Variants in S100Z observed in about 807,000 individuals in gnomAD.
The protein encoded by S100Z is S100 calcium binding protein Z, also known as protein S100-Z.
S100Z carries 11 observed loss-of-function variants against 8.5 expected under a neutral mutation model. The ratio of observed to expected loss-of-function variants is 1.30; its 90% CI spans 0.82 to 2.15. S100Z has a LOEUF of 2.15. Ranked by LOEUF, S100Z falls within the 30% of genes most tolerant of loss-of-function variation. The pLI, the probability that S100Z is intolerant of heterozygous loss-of-function variation, is 0.00. For synonymous variants in S100Z, 34 were observed against 43.8 expected (o/e 0.78, Z 0.89); for missense variants, 126 against 117.9 (o/e 1.07, Z -0.32).
chr5:76,859,768 C>CAAAAAAAAAAAAAAAAAAAAAAAAA lies in S100Z; in HGVS notation c.-176+9630_-176+9631insAAAAAAAAAAAAAAAAAAAAAAAAA, dbSNP rs70982653. On this transcript the variant is annotated intron_variant, in intron 1 of 4. Coordinates refer to ENST00000317593, the MANE Select transcript of S100Z (RefSeq NM_130772.4). ...TGCACTACAGCCAGGGCAACAGAGC[C>CAAAAAAAAAAAAAAAAAAAAAAAAA]AAAAAAAAAAAAAAAAAGAAATAAG... is the stretch of plus-strand genomic sequence containing the variant. 3.3e-4 allele frequency among the ~76,000 whole-genome samples: 32 copies of CAAAAAAAAAAAAAAAAAAAAAAAAA among 97,644 alleles called. 1 individual carries two copies. The highest frequency in any genetic ancestry group is 5.4e-4 in the South Asian group (1 of 1,852). The allele number at this position is 97,644 out of a possible 152,430, so 64.1% of individuals were successfully genotyped here.
At chr5:76,867,527 C>A (rs1742805791) in intron 1 of S100Z, among the ~76,000 whole-genome samples, 1 of 151,962 alleles carries the variant, frequency 6.6e-6, no homozygotes, top group Admixed American at 6.6e-5. Flanking sequence ...ATCTTTTCTC[C>A]TTTTGCTCCC....
chr5:76,929,598 C>T, the S100Z span, among the ~76,000 whole-genome samples: 1 of 152,140 alleles, frequency 6.6e-6, no homozygotes, highest in South Asian at 2.1e-4. Context: ...TGGGTCTGTA[C>T]ACCAAGAGGT....
At chr5:76,891,016 C>T (rs180999017) in intron 4 of S100Z, among the ~76,000 whole-genome samples, 45 of 152,238 alleles carry the variant, frequency 3.0e-4, no homozygotes, top group Middle Eastern at 3.4e-3. Context: ...CATGCACCAC[C>T]ACGCCTGGCT....
chr5:76,872,343 A>G (rs1348234442), intron 2 of S100Z, among the ~76,000 whole-genome samples: 1 of 152,092 alleles, frequency 6.6e-6, no homozygotes, highest in Non-Finnish European at 1.5e-5. Flanking sequence ...GGTCACTCAT[A>G]TCGGCTCAAA....
Position 76,855,925 on chromosome 5 carries a change from G to A in S100Z, c.-176+5770G>A, listed in dbSNP as rs146274791. On this transcript the variant is annotated intron_variant, in intron 1 of 4. Transcript: ENST00000317593. The stretch of plus-strand genomic sequence containing the variant: ...TGGAAGGTGATTGGATCATGGGGGT[G>A]GAGTTCTCATGAATGGGTTAACATC... Among the ~76,000 whole-genome samples, 1,508 of 152,262 alleles carry A rather than the reference G, an allele frequency of 9.9e-3. 28 individuals are homozygous for A. The highest frequency in any genetic ancestry group is 0.033 in the African/African-American group (1,384 of 41,550).
At chr5:76,949,765 G>A in the S100Z span, among the ~76,000 whole-genome samples, 4 of 152,210 alleles carry the variant, frequency 2.6e-5, no homozygotes, top group East Asian at 1.9e-4. Context: ...AGTGAGACTC[G>A]TAGAAGAAGA....
At chr5:76,882,786 G>A (rs991793932) in intron 4 of S100Z, among the ~76,000 whole-genome samples, 2 of 152,280 alleles carry the variant, frequency 1.3e-5, no homozygotes, top group Admixed American at 6.5e-5. Context: ...GAGTCTAATG[G>A]GTGTCAGGGT....
At chr5:76,941,377 T>C in the S100Z span, among the ~76,000 whole-genome samples, 1 of 152,106 alleles carries the variant, frequency 6.6e-6, no homozygotes, top group East Asian at 1.9e-4. Context: ...GTTCTTGTGA[T>C]AGTGAATAAG....
intron 4 of S100Z, among the ~76,000 whole-genome samples, chr5:76,885,004 C>G (rs1033974215): frequency 3.3e-5 from 5 of 152,104 alleles, no homozygotes; most frequent in Admixed American, 3.3e-4. Context: ...GCACCTCAGA[C>G]CATTTGCCCA....
At chr5:76,910,750 C>T (rs977441046) in intron 4 of S100Z, among the ~76,000 whole-genome samples, 1 of 152,102 alleles carries the variant, frequency 6.6e-6, no homozygotes, top group Non-Finnish European at 1.5e-5. Flanking sequence ...GACATTTAAT[C>T]ATTGAGGGCC....
chr5:76,889,059 C>T (rs1044758735), intron 4 of S100Z, among the ~76,000 whole-genome samples: 8 of 152,172 alleles, frequency 5.3e-5, no homozygotes, highest in Admixed American at 1.3e-4. Flanking sequence ...AGTGACATGC[C>T]TGGTCAAACC....
intron 1 of S100Z, among the ~76,000 whole-genome samples, chr5:76,857,021 G>A (rs1750899992): frequency 6.6e-6 from 1 of 152,164 alleles, no homozygotes; most frequent in East Asian, 1.9e-4. Flanking sequence ...ACAGAGGCTG[G>A]GCATGGTGGC....
Position 76,885,579 on chromosome 5 carries a change from T to G in S100Z, c.*2+7745T>G, listed in dbSNP as rs1171549635. 7.4e-3 allele frequency among the ~76,000 whole-genome samples: 291 copies of G among 39,534 alleles called. 2 individuals are homozygous for G. Among genetic ancestry groups the G allele is most frequent in the Admixed American group, 0.01 (32 of 3,100 alleles). 25.9% of individuals were successfully genotyped at this position (39,534 alleles called of 152,430 possible). A position where few individuals can be genotyped will look rare whatever the true frequency, so the allele number is the denominator to read the frequency against. On this transcript the variant is annotated intron_variant, in intron 4 of 4. Transcript: ENST00000317593. ...TGCCCCCCAGGAAAGTAGGAACGGG[T>G]TGGGAGGTGCTTGTCCCCCAGGAAA...
intron 1 of S100Z, among the ~76,000 whole-genome samples, chr5:76,869,394 A>C (rs942189403): frequency 1.2e-4 from 18 of 152,158 alleles, no homozygotes; most frequent in South Asian, 2.1e-4. Flanking sequence ...GAAAATGTCC[A>C]AGAGGAGATG....
chr5:76,850,262 G>A (rs1750683360), intron 1 of S100Z, 107 bp downstream of exon 1: 1 of 151,044 alleles, frequency 6.6e-6, no homozygotes, highest in South Asian at 2.1e-4. Context: ...AGGTTGTGAG[G>A]TGGGGGGTTG....
At chr5:76,932,788 A>C in the S100Z span, among the ~76,000 whole-genome samples, 2 of 152,244 alleles carry the variant, frequency 1.3e-5, no homozygotes, top group Non-Finnish European at 2.9e-5. Context: ...CAACGCTTTA[A>C]AAATAAAAAC....
chr5:76,917,123 CAAAAAA>C (rs35232494), intron 4 of S100Z, among the ~76,000 whole-genome samples: 4 of 81,320 alleles, frequency 4.9e-5, no homozygotes, highest in South Asian at 5.7e-4. Flanking sequence ...GAGACTGTCT[CAAAAAA>C]AAAAAAAAAA....
At chr5:76,897,248 C>T (rs994048779) in intron 4 of S100Z, among the ~76,000 whole-genome samples, 9 of 151,534 alleles carry the variant, frequency 5.9e-5, no homozygotes, top group East Asian at 3.9e-4. Context: ...GTCAGGAGAT[C>T]GAGACCATGG....
At chr5:76,899,131 A>G (rs1744146132) in intron 4 of S100Z, among the ~76,000 whole-genome samples, 1 of 151,602 alleles carries the variant, frequency 6.6e-6, no homozygotes, top group South Asian at 2.1e-4. Context: ...TTTAGAAGAG[A>G]CAGGTTTCTC....
Sources: allele counts gnomAD v4.1 joint callset (sites outside exome capture counted in the v4.1 genomes callset), GRCh38; gene constraint gnomAD v4.1.1; transcripts MANE v1.5; gene names NCBI Gene and HGNC (gene_info 2026-07-23, HGNC 2026-07-21).